Variants in THSD7B observed in about 807,000 individuals in gnomAD.
THSD7B encodes the protein thrombospondin type-1 domain-containing protein 7B.
A neutral mutation model predicts 213.6 loss-of-function variants in THSD7B; 138 were observed. That is an observed-to-expected ratio of 0.65 (90% CI 0.56 to 0.74). The LOEUF (loss-of-function observed/expected upper bound fraction) is 0.74, where lower values mean the gene tolerates loss of function less well. THSD7B is among the 30% of genes least tolerant of loss of function. THSD7B has a pLI of 0.00. For synonymous variants in THSD7B, 742 were observed against 687.0 expected, an observed-to-expected ratio of 1.08 and a Z score of -1.25; for missense variants, 1,931 against 1,991.5, an observed-to-expected ratio of 0.97 and a Z score of 0.58.
At chr2:137,008,218 A>C (rs1316228489) in intron 2 of THSD7B, among the ~76,000 whole-genome samples, 1 of 152,194 alleles carries the variant, frequency 6.6e-6, no homozygotes, top group Non-Finnish European at 1.5e-5. Context: ...CACTCTTTGC[A>C]GTGCATTGTT....
chr2:137,288,792 AATATATAT>A (rs145513737), intron 12 of THSD7B, among the ~76,000 whole-genome samples: 1 of 145,252 alleles, frequency 6.9e-6, no homozygotes, highest in African/African-American at 2.5e-5. Context: ...CTAGAAACAT[AATATATAT>A]ATATATATAT....
chr2:136,824,850 T>G (rs1419307425), intron 1 of THSD7B, among the ~76,000 whole-genome samples: 1 of 152,186 alleles, frequency 6.6e-6, no homozygotes, highest in African/African-American at 2.4e-5. Context: ...TTGAGAATAT[T>G]TCATTACTGT....
intron 15 of THSD7B, among the ~76,000 whole-genome samples, chr2:137,485,792 A>C (rs1445292795): frequency 6.6e-6 from 1 of 152,192 alleles, no homozygotes; most frequent in East Asian, 1.9e-4. Flanking sequence ...CTAACAGCGG[A>C]TCTCTCAGCA....
In THSD7B at chr2:137,232,980, A is replaced by G. The variant is rs1681676408; in HGVS notation, c.1997A>G (p.Glu666Gly). The change falls in exon 9 of 28, where the codon GAG becomes GGG. Residue 666 changes from glutamate (E) to glycine (G), a missense_variant. Transcript: ENST00000409968. ...NDHSCMQLHW[E>G]TSPWGPCSED... ...CATTCCTGTATGCAGCTTCACTGGG[A>G]GACATCGCCTTGGGGCCCTTGTTCT... 6.2e-7 allele frequency: 1 copy of G among 1,613,958 alleles called. No homozygotes were observed. The highest frequency in any genetic ancestry group is 1.3e-5 in the African/African-American group (1 of 75,034).
intron 1 of THSD7B, among the ~76,000 whole-genome samples, chr2:136,821,829 T>C (rs1682568797): frequency 1.3e-5 from 2 of 152,238 alleles, no homozygotes; most frequent in African/African-American, 4.8e-5. Context: ...TGATGCGTGC[T>C]GCAGCTCAAC....
intron 10 of THSD7B, among the ~76,000 whole-genome samples, chr2:137,254,749 A>G (rs16838470): frequency 0.027 from 4,109 of 152,168 alleles, 109 homozygotes; most frequent in Middle Eastern, 0.095. Context: ...ATATGTGATA[A>G]TTTTCTCCAT....
rs117839220 is a variant in THSD7B, at chr2:137,001,597, G to T, written c.140-54823G>T. Among the ~76,000 whole-genome samples the T allele has an allele frequency of 1.4e-3, 218 of 152,212 alleles. 2 individuals carry two copies. The East Asian group carries it at 0.039, about 27-fold the overall frequency. On this transcript the variant is annotated intron_variant, in intron 2 of 27. Transcript: ENST00000409968. ...TCCAGTTCTACATTTATCCTGCTTT[G>T]AGATGCTTCAAGTATGGCAACTAAA...
At chr2:137,032,032 G>C (rs1490894100) in intron 2 of THSD7B, among the ~76,000 whole-genome samples, 1 of 151,822 alleles carries the variant, frequency 6.6e-6, no homozygotes, top group Non-Finnish European at 1.5e-5. Context: ...GTGGTGACGA[G>C]ATTTCGCCAT....
chr2:137,512,249 C>G (rs575709571), intron 15 of THSD7B: 2 of 152,002 alleles, frequency 1.3e-5, no homozygotes, highest in South Asian at 4.2e-4. Context: ...GTGTAATCAC[C>G]CACATTTTCT....
intron 15 of THSD7B, among the ~76,000 whole-genome samples, chr2:137,463,356 G>A (rs78108801): frequency 0.016 from 2,409 of 152,114 alleles, 62 homozygotes; most frequent in African/African-American, 0.055. Flanking sequence ...ACACTTCCAT[G>A]CATGTATTTT....
In THSD7B at chr2:137,239,160, G is replaced by A. The variant is rs185506522; in HGVS notation, c.2151-3297G>A. ...CCACTTTTTTTTTGAAATAATTATA[G>A]ATCCACAGCAACTTGCAAAAGTTGT... On this transcript the variant is annotated intron_variant, in intron 9 of 27. Transcript: ENST00000409968. 3.9e-5 allele frequency among the ~76,000 whole-genome samples: 6 copies of A among 151,950 alleles called. No homozygotes were observed. In the East Asian group the frequency reaches 1.2e-3, roughly 29 times the overall value.
At chr2:136,792,181 T>G (rs1018100326) in intron 1 of THSD7B, among the ~76,000 whole-genome samples, 1 of 151,964 alleles carries the variant, frequency 6.6e-6, no homozygotes, top group Non-Finnish European at 1.5e-5. Context: ...AATCCAAGGG[T>G]TAGAAGACTT....
intron 1 of THSD7B, among the ~76,000 whole-genome samples, chr2:136,819,930 G>C (rs1682542218): frequency 6.6e-6 from 1 of 151,910 alleles, no homozygotes; most frequent in African/African-American, 2.4e-5. Context: ...CATTTGCTAG[G>C]CCTAATGTCT....
At chr2:136,943,396 A>G (rs1343521894) in intron 2 of THSD7B, among the ~76,000 whole-genome samples, 1 of 152,206 alleles carries the variant, frequency 6.6e-6, no homozygotes, top group African/African-American at 2.4e-5. Flanking sequence ...CTAGCCTCAT[A>G]AAATGAGTTA....
chr2:137,126,392 A>G (rs886487012), intron 5 of THSD7B, among the ~76,000 whole-genome samples: 3 of 152,116 alleles, frequency 2.0e-5, no homozygotes, highest in African/African-American at 7.2e-5. Flanking sequence ...CCTTTTTGCT[A>G]TTGAGATAGC....
At chr2:137,288,673 A>G (rs1683243379) in intron 12 of THSD7B, among the ~76,000 whole-genome samples, 2 of 152,082 alleles carry the variant, frequency 1.3e-5, no homozygotes, top group African/African-American at 4.8e-5. Flanking sequence ...GCCAATGAGA[A>G]TAGGATAATA....
At chr2:137,119,969 A>C (rs921059443) in intron 5 of THSD7B, among the ~76,000 whole-genome samples, 3 of 152,168 alleles carry the variant, frequency 2.0e-5, no homozygotes, top group Non-Finnish European at 2.9e-5. Flanking sequence ...TTGGTTTTAA[A>C]GTCAATAAAG....
At chr2:137,213,632 G>T (rs1397725105) in intron 7 of THSD7B, among the ~76,000 whole-genome samples, 1 of 151,708 alleles carries the variant, frequency 6.6e-6, no homozygotes, top group Non-Finnish European at 1.5e-5. Flanking sequence ...AAGTGGCAAG[G>T]CAGAGAATTG....
intron 12 of THSD7B, among the ~76,000 whole-genome samples, chr2:137,365,758 T>A (rs902382990): frequency 1.3e-5 from 2 of 152,122 alleles, no homozygotes; most frequent in South Asian, 4.1e-4. Flanking sequence ...CTGGAGAGGA[T>A]GTGGAGAAAT....
Sources: gnomAD v4.1 joint callset for allele counts (sites outside exome capture counted in the v4.1 genomes callset) on GRCh38, gnomAD v4.1.1 for gene constraint, MANE v1.5 for transcripts, NCBI Gene and HGNC (gene_info 2026-07-23, HGNC 2026-07-21) for gene names.